The following GRIA1 variants were observed in gnomAD, a reference collection of about 807,000 sequenced individuals.
GRIA1 encodes the protein glutamate ionotropic receptor AMPA type subunit 1.
A neutral mutation model predicts 99.2 loss-of-function variants in GRIA1; 31 were observed. That is an observed-to-expected ratio of 0.31 (90% CI 0.23 to 0.42). GRIA1 has a LOEUF of 0.42. Among genes scored for constraint, GRIA1 ranks in the 10% least tolerant of loss-of-function variants. The pLI is 1.00. For synonymous variants in GRIA1, 438 were observed against 432.4 expected, an observed-to-expected ratio of 1.01 and a Z score of -0.16; for missense variants, 782 against 1,157.5, an observed-to-expected ratio of 0.68 and a Z score of 4.71.
At chr5:153,729,861 A>T (rs541356375) in intron 11 of GRIA1, among the ~76,000 whole-genome samples, 1 of 152,110 alleles carries the variant, frequency 6.6e-6, no homozygotes, top group African/African-American at 2.4e-5. Flanking sequence ...TAGCAAAAAT[A>T]TGTGTTAGGC....
At chr5:153,575,313 C>A (rs1286810352) in intron 2 of GRIA1, among the ~76,000 whole-genome samples, 1 of 152,114 alleles carries the variant, frequency 6.6e-6, no homozygotes, top group Non-Finnish European at 1.5e-5. Context: ...CTGTTTAACC[C>A]TTTGTGGCCT....
At position 153,674,982 on chromosome 5, in the gene GRIA1, G is replaced by A. The variant is rs149276319; in HGVS notation, c.861+321G>A. On this transcript the variant is annotated intron_variant, in intron 6 of 15. Coordinates refer to ENST00000285900, the MANE Select transcript of GRIA1 (RefSeq NM_000827.4). ...TCTTGCTCTGCTGTCATCCACATACGGCTGCTGCCTAATAGTACAAGAGGG... is the reference window on the plus strand; with the variant it reads ...TCTTGCTCTGCTGTCATCCACATACAGCTGCTGCCTAATAGTACAAGAGGG... Among the ~76,000 whole-genome samples, 580 of 152,036 alleles carry A rather than the reference G, an allele frequency of 3.8e-3. 4 individuals are homozygous for A. The highest frequency in any genetic ancestry group is 0.011 in the African/African-American group (466 of 41,480).
intron 15 of GRIA1, among the ~76,000 whole-genome samples, chr5:153,804,431 G>A (rs899026172): frequency 6.6e-6 from 1 of 152,170 alleles, no homozygotes; most frequent in African/African-American, 2.4e-5. Flanking sequence ...AATGAGGAAA[G>A]GTTACTCCGG....
intron 2 of GRIA1, among the ~76,000 whole-genome samples, chr5:153,512,986 C>T (rs1322937828): frequency 6.6e-6 from 1 of 152,204 alleles, no homozygotes; most frequent in African/African-American, 2.4e-5. Context: ...GTCATGAGAA[C>T]ACACAGCAAG....
chr5:153,547,235 C>G (rs893048044), intron 2 of GRIA1, among the ~76,000 whole-genome samples: 1 of 152,052 alleles, frequency 6.6e-6, no homozygotes, highest in Admixed American at 6.6e-5. Flanking sequence ...TGGTCCAAGA[C>G]AATGCTTCTT....
intron 2 of GRIA1, among the ~76,000 whole-genome samples, chr5:153,625,056 T>A (rs574081251): frequency 6.6e-6 from 1 of 152,300 alleles, no homozygotes; most frequent in South Asian, 2.1e-4. Flanking sequence ...AATTCATTCA[T>A]GTGCCGCAGC....
chr5:153,806,561 G>A (rs769737374), intron 15 of GRIA1, among the ~76,000 whole-genome samples: 6 of 152,206 alleles, frequency 3.9e-5, no homozygotes, highest in South Asian at 2.1e-4. Context: ...ACCACGCCCC[G>A]CCCTTGGCCC....
At chr5:153,711,966 A>T (rs1759343414) in intron 11 of GRIA1, among the ~76,000 whole-genome samples, 1 of 152,138 alleles carries the variant, frequency 6.6e-6, no homozygotes, top group African/African-American at 2.4e-5. Context: ...CTCTCAGGAG[A>T]AGAAGTCTAA....
intron 11 of GRIA1, among the ~76,000 whole-genome samples, chr5:153,740,697 T>C (rs1289553057): frequency 1.3e-5 from 2 of 152,238 alleles, no homozygotes; most frequent in Admixed American, 1.3e-4. Context: ...TGCTGGTCCA[T>C]TTCCATACTG....
At chr5:153,723,809 G>C (rs982162402) in intron 11 of GRIA1, among the ~76,000 whole-genome samples, 14 of 151,826 alleles carry the variant, frequency 9.2e-5, no homozygotes, top group African/African-American at 2.7e-4. Flanking sequence ...TCCACCTCTG[G>C]GGGCAGGGCA....
intron 13 of GRIA1, among the ~76,000 whole-genome samples, chr5:153,774,320 T>G (rs564789779): frequency 2.6e-5 from 4 of 152,174 alleles, no homozygotes; most frequent in African/African-American, 9.6e-5. Context: ...TTGGACCCAT[T>G]GAAGAGGGGC....
Position 153,812,703 on chromosome 5 carries a change from G to A in GRIA1, c.*1478G>A, listed in dbSNP as rs1268324621. The A allele has an allele frequency of 6.6e-6, 1 of 152,170 alleles. No homozygotes were observed. Among genetic ancestry groups the A allele is most frequent in the East Asian group, 1.9e-4 (1 of 5,194 alleles). The allele number at this position is 152,170 out of a possible 1,614,324, so 9.4% of individuals were successfully genotyped here. ...GAACTAAAGCAAGATTGGTGAAGTG[G>A]CAGGGTTTATAGAGAGAAGCCCAGG... On this transcript the variant is annotated 3_prime_UTR_variant, in exon 16 of 16. Coordinates refer to ENST00000285900, the MANE Select transcript of GRIA1 (RefSeq NM_000827.4).
At chr5:153,743,449 C>T (rs1356282597) in intron 11 of GRIA1, among the ~76,000 whole-genome samples, 1 of 152,162 alleles carries the variant, frequency 6.6e-6, no homozygotes, top group African/African-American at 2.4e-5. Flanking sequence ...CTCTTCCAAA[C>T]TCCTTTCTTT....
intron 2 of GRIA1, among the ~76,000 whole-genome samples, chr5:153,524,656 A>T (rs1300079957): frequency 6.6e-6 from 1 of 152,224 alleles, no homozygotes; most frequent in African/African-American, 2.4e-5. Context: ...ACTAGGTTTG[A>T]AAGTGAAGCT....
intron 2 of GRIA1, among the ~76,000 whole-genome samples, chr5:153,639,923 C>T (rs1229577985): frequency 2.0e-5 from 3 of 152,210 alleles, no homozygotes; most frequent in Non-Finnish European, 4.4e-5. Flanking sequence ...TTGAGAAACA[C>T]TGATTTAGTT....
intron 2 of GRIA1, among the ~76,000 whole-genome samples, chr5:153,536,796 C>G (rs1385500236): frequency 6.6e-6 from 1 of 152,192 alleles, no homozygotes; most frequent in African/African-American, 2.4e-5. Flanking sequence ...GGGCAGAAGA[C>G]TTATTTTTCT....
At chr5:153,759,110 C>A (rs1301254470) in intron 11 of GRIA1, among the ~76,000 whole-genome samples, 1 of 150,300 alleles carries the variant, frequency 6.7e-6, no homozygotes. Context: ...GAAATAAATA[C>A]CTATGTCAAA....
intron 2 of GRIA1, among the ~76,000 whole-genome samples, chr5:153,527,635 G>C (rs1757724389): frequency 6.6e-6 from 1 of 152,168 alleles, no homozygotes; most frequent in Admixed American, 6.5e-5. Context: ...AAATACAGAA[G>C]TCAAATTGGT....
At chr5:153,746,167 G>C (rs946368812) in intron 11 of GRIA1, among the ~76,000 whole-genome samples, 1 of 141,052 alleles carries the variant, frequency 7.1e-6, no homozygotes, top group Non-Finnish European at 1.5e-5. Flanking sequence ...GCCTCGGAAA[G>C]AGCTGAGTGT....
Sources: gnomAD v4.1 joint callset for allele counts (sites outside exome capture counted in the v4.1 genomes callset) on GRCh38, gnomAD v4.1.1 for gene constraint, MANE v1.5 for transcripts, NCBI Gene and HGNC (gene_info 2026-07-23, HGNC 2026-07-21) for gene names.